Variants in CDH18 observed in about 807,000 individuals in gnomAD.
The protein encoded by CDH18 is cadherin-18.
In CDH18, 31 loss-of-function variants were observed where a neutral mutation model predicts 67.9. That is an observed-to-expected ratio of 0.46 (90% CI 0.34 to 0.62). The LOEUF is 0.62. Ranked by LOEUF, CDH18 falls within the 20% of genes least tolerant of loss-of-function variation. The pLI is 0.01. For synonymous variants in CDH18, 362 were observed against 347.2 expected, an observed-to-expected ratio of 1.04 and a Z score of -0.48; for missense variants, 890 against 975.5, an observed-to-expected ratio of 0.91 and a Z score of 1.17.
At chr5:20,316,817 A>G (rs1410560881) in intron 1 of CDH18, among the ~76,000 whole-genome samples, 1 of 152,022 alleles carries the variant, frequency 6.6e-6, no homozygotes, top group Non-Finnish European at 1.5e-5. Context: ...CAAAATACAC[A>G]TGATTATTTA....
intron 2 of CDH18, among the ~76,000 whole-genome samples, chr5:20,202,395 G>C (rs148635689): frequency 1.3e-5 from 2 of 152,152 alleles, no homozygotes; most frequent in Admixed American, 1.3e-4. Flanking sequence ...ATTAATCAAA[G>C]AATGAAAATT....
At chr5:19,680,299 T>A (rs1409610536) in intron 5 of CDH18, among the ~76,000 whole-genome samples, 1 of 152,014 alleles carries the variant, frequency 6.6e-6, no homozygotes, top group Non-Finnish European at 1.5e-5. Flanking sequence ...AATACTTAAA[T>A]GTAAAACCTA....
chr5:20,534,027 T>G (rs1366000560), intron 1 of CDH18, among the ~76,000 whole-genome samples: 1 of 152,022 alleles, frequency 6.6e-6, no homozygotes, highest in Non-Finnish European at 1.5e-5. Context: ...ACTAATCATT[T>G]TAACTCCTAA....
chr5:19,495,302 T>C (rs1394412086), intron 11 of CDH18, among the ~76,000 whole-genome samples: 1 of 152,206 alleles, frequency 6.6e-6, no homozygotes, highest in African/African-American at 2.4e-5. Context: ...ATCCTTTCTC[T>C]GAAACTCCAT....
intron 6 of CDH18, among the ~76,000 whole-genome samples, chr5:19,594,414 G>C (rs1410146258): frequency 1.3e-5 from 2 of 152,134 alleles, no homozygotes; most frequent in Non-Finnish European, 2.9e-5. Flanking sequence ...GCCTTCCAAA[G>C]TGCTGGGATT....
intron 8 of CDH18, among the ~76,000 whole-genome samples, chr5:19,561,800 A>C (rs1739504377): frequency 6.6e-6 from 1 of 152,154 alleles, no homozygotes; most frequent in Non-Finnish European, 1.5e-5. Flanking sequence ...TCAAAGTCTA[A>C]AGATATGTTC....
At chr5:19,778,167 C>G (rs1240267166) in intron 3 of CDH18, among the ~76,000 whole-genome samples, 1 of 152,066 alleles carries the variant, frequency 6.6e-6, no homozygotes, top group Non-Finnish European at 1.5e-5. Flanking sequence ...ACAAAAACTA[C>G]AAAGTAGAAA....
intron 5 of CDH18, among the ~76,000 whole-genome samples, chr5:19,657,913 T>C (rs1756621546): frequency 6.6e-6 from 1 of 152,096 alleles, no homozygotes; most frequent in South Asian, 2.1e-4. Context: ...GCTAAGATTT[T>C]GAACATGAGG....
intron 2 of CDH18, among the ~76,000 whole-genome samples, chr5:20,140,358 C>T (rs935881140): frequency 1.1e-4 from 16 of 151,880 alleles, no homozygotes; most frequent in African/African-American, 3.9e-4. Context: ...AGGAGAAATA[C>T]CTAATGTAAA....
At chr5:20,449,707 A>T (rs895080013) in intron 1 of CDH18, among the ~76,000 whole-genome samples, 3 of 152,084 alleles carry the variant, frequency 2.0e-5, no homozygotes, top group Admixed American at 2.0e-4. Flanking sequence ...AATTTCTTGC[A>T]GATTTAGTTA....
At chr5:20,431,180 A>G (rs559123207) in intron 1 of CDH18, among the ~76,000 whole-genome samples, 7 of 152,244 alleles carry the variant, frequency 4.6e-5, no homozygotes, top group African/African-American at 1.7e-4. Flanking sequence ...CAATTCTTTC[A>G]ACTGGATTTA....
chr5:19,962,395 A>AAAAAT (rs58319680), intron 2 of CDH18, among the ~76,000 whole-genome samples: 10,771 of 117,032 alleles, frequency 0.092, 1,437 homozygotes, highest in African/African-American at 0.27. Flanking sequence ...AAAAAAAAAA[A>AAAAAT]AGAAAATTCA....
At position 20,542,568 on chromosome 5, in the gene CDH18, A is replaced by T. The variant is rs988589850; in HGVS notation, c.-580+32894T>A. 5.9e-5 allele frequency among the ~76,000 whole-genome samples: 9 copies of T among 151,986 alleles called. No homozygotes were observed. The South Asian group carries it at 1.2e-3, about 21-fold the overall frequency. ...GATATATATACATATATATACACAC[A>T]TGCTAAAAAGAATTATAGTTGCATT... On this transcript the variant is annotated intron_variant, in intron 1 of 14. Coordinates refer to the CDH18 transcript ENST00000507958.
intron 1 of CDH18, among the ~76,000 whole-genome samples, chr5:20,401,434 A>G (rs1034895914): frequency 7.2e-5 from 11 of 152,158 alleles, no homozygotes; most frequent in Non-Finnish European, 1.5e-4. Context: ...CTTTTACCTT[A>G]CATCAAATCC....
intron 1 of CDH18, among the ~76,000 whole-genome samples, chr5:20,466,682 G>C (rs1442306713): frequency 6.6e-6 from 1 of 152,014 alleles, no homozygotes; most frequent in Non-Finnish European, 1.5e-5. Context: ...TGCAAGGAGT[G>C]TTGCGTCATC....
intron 1 of CDH18, among the ~76,000 whole-genome samples, chr5:20,534,416 A>G (rs1282957968): frequency 1.3e-5 from 2 of 152,102 alleles, no homozygotes; most frequent in African/African-American, 4.8e-5. Flanking sequence ...TTTTGAAATG[A>G]AATGAATATG....
At chr5:19,849,372 T>C (rs1054431842) in intron 2 of CDH18, among the ~76,000 whole-genome samples, 20 of 151,792 alleles carry the variant, frequency 1.3e-4, no homozygotes, top group Admixed American at 9.2e-4. Flanking sequence ...CAGGAGGCTA[T>C]AAATAAAAAG....
Position 20,565,685 on chromosome 5 carries a change from C to T in CDH18, c.-580+9777G>A, listed in dbSNP as rs546603166. 2.0e-5 allele frequency among the ~76,000 whole-genome samples: 3 copies of T among 151,754 alleles called. No individual in the cohort carries two copies. The South Asian group carries it at 6.2e-4, about 32-fold the overall frequency. The stretch of plus-strand genomic sequence containing the variant: ...GAAGTGAAAGACAGTGGGGAGTAAG[C>T]CTGCATATAATCAATGTGCTTCAAC... On this transcript the variant is annotated intron_variant, in intron 1 of 14. Transcript: ENST00000507958.
chr5:19,607,222 A>G (rs1016337148), intron 6 of CDH18, among the ~76,000 whole-genome samples: 2 of 151,558 alleles, frequency 1.3e-5, no homozygotes, highest in African/African-American at 2.4e-5. Context: ...AGAAGGAAAC[A>G]CAGAAATTCA....
Sources: allele counts gnomAD v4.1 joint callset (sites outside exome capture counted in the v4.1 genomes callset), GRCh38; gene constraint gnomAD v4.1.1; transcripts MANE v1.5; gene names NCBI Gene and HGNC (gene_info 2026-07-23, HGNC 2026-07-21).